The following INTS8 variants were observed in gnomAD, a reference collection of about 807,000 sequenced individuals.
INTS8 encodes the protein protein kaonashi-1.
In INTS8, 47 loss-of-function variants were observed where a neutral mutation model predicts 138.9. The observed-to-expected ratio is 0.34, with a 90% CI of 0.27 to 0.43. The LOEUF is 0.43. Ranked by LOEUF, INTS8 falls within the 20% of genes least tolerant of loss-of-function variation. INTS8 has a pLI of 1.00. For synonymous variants in INTS8, 392 were observed against 400.9 expected (o/e 0.98, Z 0.27); for missense variants, 996 against 1,173.0 (o/e 0.85, Z 2.20).
chr8:94,841,941 C>CG (rs1412438193), intron 9 of INTS8, among the ~76,000 whole-genome samples: 1 of 151,994 alleles, frequency 6.6e-6, no homozygotes, highest in African/African-American at 2.4e-5. Context: ...TGGTGGTGCA[C>CG]ACCTGTAGTC....
At chr8:94,834,924 T>C (rs994973082) in intron 6 of INTS8, among the ~76,000 whole-genome samples, 1 of 152,118 alleles carries the variant, frequency 6.6e-6, no homozygotes, top group Non-Finnish European at 1.5e-5. Flanking sequence ...GTTGGTTTTG[T>C]GGTATAAAAG....
At chr8:94,857,024 A>G (rs760825058) in intron 15 of INTS8, 46 bp downstream of exon 15, 1 of 1,381,646 alleles carries the variant, frequency 7.2e-7, no homozygotes, top group African/African-American at 1.5e-5. Context: ...CAGTACTCAC[A>G]TAATTGTGGG....
At chr8:94,849,243 A>G (rs1815443816) in intron 10 of INTS8, among the ~76,000 whole-genome samples, 2 of 152,164 alleles carry the variant, frequency 1.3e-5, no homozygotes, top group Non-Finnish European at 2.9e-5. Flanking sequence ...TGCTACATGT[A>G]TACACCTGCA....
chr8:94,826,834 G>T (rs554091989), intron 2 of INTS8, among the ~76,000 whole-genome samples: 4 of 152,108 alleles, frequency 2.6e-5, no homozygotes, highest in Non-Finnish European at 5.9e-5. Context: ...AGCCGGGCAC[G>T]GTGGCTCACG....
chr8:94,848,874 T>A (rs946208471), intron 10 of INTS8, among the ~76,000 whole-genome samples: 1 of 152,100 alleles, frequency 6.6e-6, no homozygotes, highest in Non-Finnish European at 1.5e-5. Flanking sequence ...ATAAATAATA[T>A]ATTAGGAGGA....
intron 6 of INTS8, among the ~76,000 whole-genome samples, chr8:94,835,847 C>T (rs1814908491): frequency 6.6e-6 from 1 of 152,326 alleles, no homozygotes; most frequent in East Asian, 1.9e-4. Context: ...ATCCACCCGC[C>T]TCGGCCTCCC....
chr8:94,853,944 T>G (rs1563657919), intron 14 of INTS8, 29 bp downstream of exon 14: 1 of 1,313,600 alleles, frequency 7.6e-7, no homozygotes, highest in South Asian at 1.2e-5. Context: ...CAAACACTTG[T>G]TAAGAATATG....
chr8:94,875,553 TACA>T (rs1816538618), intron 23 of INTS8, among the ~76,000 whole-genome samples: 1 of 152,196 alleles, frequency 6.6e-6, no homozygotes, highest in South Asian at 2.1e-4. Flanking sequence ...GTGATGGTTG[TACA>T]ACTTGGTGAA....
At chr8:94,841,698 T>C (rs758506676) in intron 9 of INTS8, 107 bp downstream of exon 9, 1 of 644,086 alleles carries the variant, frequency 1.6e-6, no homozygotes, top group Non-Finnish European at 2.8e-6. Context: ...TGACATTATT[T>C]TCATGTTGTT....
intron 9 of INTS8, 29 bp from the exon 10 acceptor site, chr8:94,842,318 A>G (rs772225592): frequency 8.2e-6 from 12 of 1,457,146 alleles, no homozygotes; most frequent in Admixed American, 6.2e-5. Context: ...TAAAAATAAC[A>G]TTAGTTGATC....
At chr8:94,876,558 C>G (rs1816571767) in intron 26 of INTS8, 69 bp downstream of exon 26, 2 of 977,492 alleles carry the variant, frequency 2.0e-6, no homozygotes, top group African/African-American at 3.3e-5. Flanking sequence ...AAGATGTGAA[C>G]CAACAAAAAA....
At chr8:94,879,884 A>G (rs915538981) in intron 26 of INTS8, 1 of 300,198 alleles carries the variant, frequency 3.3e-6, no homozygotes, top group Non-Finnish European at 6.1e-6. Flanking sequence ...ATATATTAAA[A>G]TGCCACTTAA....
At chr8:94,826,362 A>G (rs1389129618) in intron 2 of INTS8, among the ~76,000 whole-genome samples, 1 of 152,146 alleles carries the variant, frequency 6.6e-6, no homozygotes, top group African/African-American at 2.4e-5. Flanking sequence ...GCTCACTGCA[A>G]GCTCCGCCTC....
chr8:94,840,718 T>C (rs894166088), intron 8 of INTS8, among the ~76,000 whole-genome samples: 1 of 151,450 alleles, frequency 6.6e-6, no homozygotes, highest in African/African-American at 2.4e-5. Flanking sequence ...CCAACGTGCC[T>C]GGCTAATTTT....
intron 21 of INTS8, among the ~76,000 whole-genome samples, chr8:94,873,076 G>A (rs1343801562): frequency 2.0e-5 from 3 of 152,160 alleles, no homozygotes; most frequent in East Asian, 3.9e-4. Context: ...TCAGGTTCTC[G>A]ATATCTATCA....
At chr8:94,870,310 C>A (rs1173731583) in intron 20 of INTS8, among the ~76,000 whole-genome samples, 1 of 152,138 alleles carries the variant, frequency 6.6e-6, no homozygotes, top group Non-Finnish European at 1.5e-5. Flanking sequence ...CTCGGCCTCC[C>A]AAAGTACTGG....
rs779102429 is a variant in INTS8 at position 94,871,996 on chromosome 8, T to A, written c.2527T>A (p.Tyr843Asn). 47 of 1,489,656 alleles carry A rather than the reference T, an allele frequency of 3.2e-5. No individual in the cohort carries two copies. The highest frequency in any genetic ancestry group is 3.6e-5 in the Non-Finnish European group (39 of 1,071,784). The allele number at this position is 1,489,656 out of a possible 1,614,324, so 92.3% of individuals were successfully genotyped here. The change falls in exon 21 of 27, where the codon TAC becomes AAC. Residue 843 changes from tyrosine (Y) to asparagine (N), a missense_variant. Tyr to Asn is a moderately radical substitution (Grantham distance 143, BLOSUM62 -2). Coordinates refer to ENST00000523731, the MANE Select transcript of INTS8 (RefSeq NM_017864.4). ...TTGGTTAATTATCCAGGCAGATATTTACTTTGGTAAGTGAGATGTTTAGTT... is the reference window on the plus strand; with the variant it reads ...TTGGTTAATTATCCAGGCAGATATTAACTTTGGTAAGTGAGATGTTTAGTT... ...HSWLIIQADIYFATNQYSAAL... is the reference protein window; with the variant it reads ...HSWLIIQADINFATNQYSAAL...
intron 6 of INTS8, among the ~76,000 whole-genome samples, chr8:94,833,754 A>G (rs922075919): frequency 2.0e-5 from 3 of 152,098 alleles, no homozygotes; most frequent in Non-Finnish European, 2.9e-5. Context: ...TAGTGGTAAC[A>G]CTCATTTCCT....
At chr8:94,872,799 G>T (rs1179720388) in intron 21 of INTS8, among the ~76,000 whole-genome samples, 2 of 152,122 alleles carry the variant, frequency 1.3e-5, no homozygotes, top group African/African-American at 4.8e-5. Flanking sequence ...TTAGGAGTTG[G>T]TTTTTAATTT....
Sources: gnomAD v4.1 joint callset for allele counts (sites outside exome capture counted in the v4.1 genomes callset) on GRCh38, gnomAD v4.1.1 for gene constraint, MANE v1.5 for transcripts, NCBI Gene and HGNC (gene_info 2026-07-23, HGNC 2026-07-21) for gene names.